PSG1: variants seen among roughly 807,000 people sequenced by gnomAD.
PSG1 encodes the protein pregnancy-specific beta-1-glycoprotein 1.
In PSG1, 60 loss-of-function variants were observed where a neutral mutation model predicts 41.4. The ratio of observed to expected loss-of-function variants is 1.45; its 90% confidence interval spans 1.18 to 1.80. The LOEUF (loss-of-function observed/expected upper bound fraction) is 1.80, where lower values mean the gene tolerates loss of function less well. Ranked by LOEUF, PSG1 falls within the 40% of genes most tolerant of loss-of-function variation. The pLI is 0.00. For missense variants in PSG1, 806 were observed against 516.9 expected (o/e 1.56, Z -5.42); for synonymous variants, 256 against 192.9 (o/e 1.33, Z -2.71).
In PSG1 at chr19:42,866,676, T is replaced by G; in HGVS notation, c.*458A>C. On this transcript the variant is annotated 3_prime_UTR_variant, in exon 6 of 6. Coordinates refer to ENST00000436291, the MANE Select transcript of PSG1 (RefSeq NM_001184825.2). Reference sequence around the variant, plus strand: ...GTTCATTTCTATTGGGAGCCCTGTATGCAAGGTGGAGAGAGCCACATTTCC... The same window carrying G: ...GTTCATTTCTATTGGGAGCCCTGTAGGCAAGGTGGAGAGAGCCACATTTCC... 3.0e-6 allele frequency: 1 copy of G among 333,414 alleles called. No individual in the cohort carries two copies. The highest frequency in any genetic ancestry group is 5.6e-6 in the Non-Finnish European group (1 of 177,772). The allele number at this position is 333,414 out of a possible 1,614,324, so 20.7% of individuals were successfully genotyped here.
rs1184247944 is a variant in PSG1, at chr19:42,866,645, C to A, written c.*489G>T. ...TTCTCTGCAAACACACAGGCAATATCTCTGTGTTCATTTCTATTGGGAGCC... is the reference window on the plus strand; with the variant it reads ...TTCTCTGCAAACACACAGGCAATATATCTGTGTTCATTTCTATTGGGAGCC... On this transcript the variant is annotated 3_prime_UTR_variant, in exon 6 of 6. Transcript: ENST00000436291. 3.7e-6 allele frequency: 1 copy of A among 271,858 alleles called. No individual in the cohort carries two copies. The highest frequency in any genetic ancestry group is 7.1e-6 in the Non-Finnish European group (1 of 141,568). 16.8% of individuals were successfully genotyped at this position (271,858 alleles called of 1,614,324 possible).
chr19:42,874,606 G>C (rs1971528400), intron 2 of PSG1, among the ~76,000 whole-genome samples: 1 of 151,822 alleles, frequency 6.6e-6, no homozygotes, highest in Non-Finnish European at 1.5e-5. Context: ...CTCCCAAAGT[G>C]CTGGGATTAT....
chr19:42,876,315 C>G (rs1971603830), intron 2 of PSG1, among the ~76,000 whole-genome samples: 3 of 151,244 alleles, frequency 2.0e-5, no homozygotes, highest in Non-Finnish European at 3.0e-5. Context: ...TTCCATAGTC[C>G]AGGACCAAGG....
At chr19:42,877,286 T>C (rs1971648839) in intron 2 of PSG1, among the ~76,000 whole-genome samples, 1 of 151,648 alleles carries the variant, frequency 6.6e-6, no homozygotes, top group Non-Finnish European at 1.5e-5. Flanking sequence ...GGTGATGGCC[T>C]ACAAAGCTTG....
chr19:42,875,907 CCA>C (rs1971584728), intron 2 of PSG1, among the ~76,000 whole-genome samples: 1 of 149,562 alleles, frequency 6.7e-6, no homozygotes, highest in Non-Finnish European at 1.5e-5. Context: ...TATCCCTGTC[CCA>C]TGGTCTTGTC....
chr19:42,877,208 C>G (rs1344230334), intron 2 of PSG1, among the ~76,000 whole-genome samples: 2 of 151,686 alleles, frequency 1.3e-5, no homozygotes, highest in Non-Finnish European at 2.9e-5. Flanking sequence ...TACATCTTCT[C>G]TCTTCTGTTT....
Position 42,867,253 on chromosome 19 carries a change from C to T in PSG1, c.1244-103G>A, listed in dbSNP as rs116193606. 1.1e-3 allele frequency: 793 copies of T among 736,944 alleles called. 19 individuals are homozygous for T. In the African/African-American group the frequency reaches 0.011, roughly 11 times the overall value. The allele number at this position is 736,944 out of a possible 1,614,324, so 45.7% of individuals were successfully genotyped here. Reference sequence around the variant, plus strand: ...TCCACATAATTTTTCCCTCTATGGGCATCTCTACTTTTACCAATGATAATT... The same window carrying T: ...TCCACATAATTTTTCCCTCTATGGGTATCTCTACTTTTACCAATGATAATT... On this transcript the variant is annotated intron_variant, in intron 5 of 5. Coordinates refer to ENST00000436291, the MANE Select transcript of PSG1 (RefSeq NM_001184825.2).
chr19:42,873,554 C>T (rs1354238618), intron 2 of PSG1, among the ~76,000 whole-genome samples: 1 of 151,734 alleles, frequency 6.6e-6, no homozygotes, highest in Non-Finnish European at 1.5e-5. Context: ...ATGGTCCAAA[C>T]ATCTAAGATC....
intron 1 of PSG1, chr19:42,878,503 G>A: frequency 1.2e-5 from 9 of 755,056 alleles, no homozygotes; most frequent in Non-Finnish European, 1.8e-5. Flanking sequence ...TCAGCAGCAT[G>A]ACGCCCATTC....
In PSG1 at chr19:42,878,334, C is replaced by G. The variant is rs1971709652; in HGVS notation, c.65-56G>C. ...TGAGACCTATGTATTGGTGTGAAAA[C>G]ATGGGGCCCTGGGTCCTGAGAAGGT... On this transcript the variant is annotated intron_variant, in intron 1 of 5. Transcript: ENST00000436291. 5.8e-6 allele frequency: 9 copies of G among 1,548,542 alleles called. 1 individual carries two copies. Among genetic ancestry groups the G allele is most frequent in the African/African-American group, 2.8e-5 (2 of 72,402 alleles).
intron 1 of PSG1, among the ~76,000 whole-genome samples, chr19:42,879,311 C>G (rs191728705): frequency 1.5e-4 from 22 of 151,378 alleles, no homozygotes; most frequent in African/African-American, 5.3e-4. Context: ...CACCACCATA[C>G]CTGGTTAAAT....
chr19:42,878,505 C>G lies in PSG1; in HGVS notation c.65-227G>C, dbSNP rs995818127. 55 of 740,222 alleles carry G rather than the reference C, an allele frequency of 7.4e-5. No homozygotes were observed. In the South Asian group the frequency reaches 1.4e-3, roughly 19 times the overall value. 45.9% of individuals were successfully genotyped at this position (740,222 alleles called of 1,614,324 possible). A position where few individuals can be genotyped will look rare whatever the true frequency, so the allele number is the denominator to read the frequency against. On this transcript the variant is annotated intron_variant, in intron 1 of 5. Coordinates refer to ENST00000436291, the MANE Select transcript of PSG1 (RefSeq NM_001184825.2). Reference sequence around the variant, plus strand: ...TACTAGGTCAAGGTCAGCAGCATGACGCCCATTCCTTCAACACTTCTGACG... The same window carrying G: ...TACTAGGTCAAGGTCAGCAGCATGAGGCCCATTCCTTCAACACTTCTGACG...
chr19:42,878,099 A>T lies in PSG1; in HGVS notation c.244T>A (p.Tyr82Asn). The change falls in exon 2 of 6, where the codon TAT becomes AAT. Residue 82 changes from tyrosine (Y) to asparagine (N), a missense_variant. Physicochemically the swap from Tyr to Asn is moderately radical, Grantham distance 143. Coordinates refer to ENST00000436291, the MANE Select transcript of PSG1 (RefSeq NM_001184825.2). Reference protein sequence around the residue: ...MRDLYHYITSYVVDGEIIIYG... With the variant: ...MRDLYHYITSNVVDGEIIIYG... The stretch of plus-strand genomic sequence containing the variant: ...ATAATTATTTCACCGTCTACTACAT[A>T]TGATGTAATGTAATGGTAGAGGTCC... The T allele has an allele frequency of 6.2e-7, 1 of 1,612,284 alleles. No homozygotes were observed. The highest frequency in any genetic ancestry group is 1.1e-5 in the South Asian group (1 of 90,816).
rs1971355889 is a variant in PSG1 at position 42,870,927 on chromosome 19, A to G, written c.709+840T>C. ...TGTTCATTGTTAGTGTATAGTCTAA[A>G]GAATGATCTAGAAAGAGTGAAGGGG... On this transcript the variant is annotated intron_variant, in intron 3 of 5. Coordinates refer to ENST00000436291, the MANE Select transcript of PSG1 (RefSeq NM_001184825.2). 1.3e-5 allele frequency among the ~76,000 whole-genome samples: 2 copies of G among 151,660 alleles called. 1 individual carries two copies. The highest frequency in any genetic ancestry group is 4.8e-5 in the African/African-American group (2 of 41,254).
At chr19:42,869,071 C>T (rs1252320141) in intron 3 of PSG1, 37 bp from the exon 4 acceptor site, 2 of 1,595,956 alleles carry the variant, frequency 1.3e-6, no homozygotes, top group African/African-American at 1.3e-5. Flanking sequence ...TCCTGTGTGG[C>T]ACCTTTGATT....
intron 2 of PSG1, among the ~76,000 whole-genome samples, chr19:42,874,664 T>A (rs1243022336): frequency 6.6e-6 from 1 of 151,792 alleles, no homozygotes; most frequent in Non-Finnish European, 1.5e-5. Context: ...TTTAATGAGT[T>A]GTTGCCTTTT....
intron 3 of PSG1, chr19:42,869,731 A>C (rs978832143): frequency 1.0e-4 from 16 of 152,404 alleles, no homozygotes; most frequent in African/African-American, 3.9e-4. Context: ...GACAGGCAAG[A>C]GCTGGTGGCT....
At chr19:42,873,737 C>T (rs1431154946) in intron 2 of PSG1, among the ~76,000 whole-genome samples, 2 of 151,548 alleles carry the variant, frequency 1.3e-5, no homozygotes, top group Non-Finnish European at 2.9e-5. Context: ...GCATCAATTA[C>T]ATAAAGGGAG....
chr19:42,875,473 G>T (rs1655343021), intron 2 of PSG1, among the ~76,000 whole-genome samples: 1 of 151,632 alleles, frequency 6.6e-6, no homozygotes, highest in African/African-American at 2.4e-5. Flanking sequence ...ACGTGAGATT[G>T]GTCTTTTGAG....
Sources: allele counts gnomAD v4.1 joint callset (sites outside exome capture counted in the v4.1 genomes callset), GRCh38; gene constraint gnomAD v4.1.1; transcripts MANE v1.5; gene names NCBI Gene and HGNC (gene_info 2026-07-23, HGNC 2026-07-21).